PLEKHH2: variants seen among roughly 807,000 people sequenced by gnomAD.
PLEKHH2 encodes pleckstrin homology, MyTH4 and FERM domain containing H2, also known as pleckstrin homology domain-containing family H member 2.
PLEKHH2 carries 129 observed loss-of-function variants against 187.9 expected under a neutral mutation model. That is an observed-to-expected ratio of 0.69 (90% CI 0.59 to 0.79). PLEKHH2 has a LOEUF of 0.79. Ranked by LOEUF, PLEKHH2 falls within the 30% of genes least tolerant of loss-of-function variation. The pLI, the probability that PLEKHH2 is intolerant of heterozygous loss-of-function variation, is 0.00. For missense variants in PLEKHH2, 2,076 were observed against 1,751.2 expected, an observed-to-expected ratio of 1.19 and a Z score of -3.31; for synonymous variants, 686 against 605.6, an observed-to-expected ratio of 1.13 and a Z score of -1.95.
chr2:43,757,826 T>A (rs757828220), intron 26 of PLEKHH2, among the ~76,000 whole-genome samples: 6 of 152,060 alleles, frequency 3.9e-5, no homozygotes, highest in African/African-American at 4.8e-5. Context: ...TTTTCATTCT[T>A]GTCCAGAACA....
intron 2 of PLEKHH2, among the ~76,000 whole-genome samples, chr2:43,657,178 G>C (rs978779468): frequency 2.0e-5 from 3 of 152,196 alleles, no homozygotes; most frequent in African/African-American, 7.2e-5. Flanking sequence ...AAATCAGCTG[G>C]AGGGTGGACT....
chr2:43,648,487 T>A (rs945836774), intron 2 of PLEKHH2, among the ~76,000 whole-genome samples: 6 of 151,472 alleles, frequency 4.0e-5, no homozygotes, highest in African/African-American at 1.5e-4. Flanking sequence ...GTGCCCAGCT[T>A]TTTTTCCTGT....
chr2:43,681,770 G>C, intron 3 of PLEKHH2: 1 of 434,382 alleles, frequency 2.3e-6, no homozygotes, highest in Non-Finnish European at 4.1e-6. Flanking sequence ...AGCCTACTCT[G>C]GACCCTCTCC....
intron 3 of PLEKHH2, among the ~76,000 whole-genome samples, chr2:43,682,418 T>C (rs1471217679): frequency 6.6e-6 from 1 of 152,130 alleles, no homozygotes; most frequent in Non-Finnish European, 1.5e-5. Flanking sequence ...GCGATTCTCC[T>C]GCCTCAGCCT....
Position 43,765,710 on chromosome 2 carries a change from C to A in PLEKHH2, c.*112C>A. On this transcript the variant is annotated 3_prime_UTR_variant, in exon 30 of 30. Coordinates refer to ENST00000282406, the MANE Select transcript of PLEKHH2 (RefSeq NM_172069.4). The stretch of plus-strand genomic sequence containing the variant: ...GGCAGCCACACACCGGTATTCCAAA[C>A]CTTAACAATGAAGGGGGTTAGTCTC... The A allele has an allele frequency of 2.1e-6, 2 of 965,432 alleles. No individual in the cohort carries two copies. Among genetic ancestry groups the A allele is most frequent in the Non-Finnish European group, 3.0e-6 (2 of 676,148 alleles). 59.8% of individuals were successfully genotyped at this position (965,432 alleles called of 1,614,324 possible). A position where few individuals can be genotyped will look rare whatever the true frequency, so the allele number is the denominator to read the frequency against.
intron 2 of PLEKHH2, among the ~76,000 whole-genome samples, chr2:43,651,400 T>A (rs1666466887): frequency 6.6e-6 from 1 of 152,224 alleles, no homozygotes; most frequent in South Asian, 2.1e-4. Flanking sequence ...CTTGGTTATA[T>A]TTCTATCCCT....
chr2:43,671,071 C>A (rs1667475195), intron 2 of PLEKHH2, among the ~76,000 whole-genome samples: 1 of 151,880 alleles, frequency 6.6e-6, no homozygotes, highest in East Asian at 1.9e-4. Context: ...GCAACCTCTG[C>A]CTCCTGGGTT....
chr2:43,751,635 C>T (rs979834222), intron 24 of PLEKHH2, among the ~76,000 whole-genome samples: 5 of 152,202 alleles, frequency 3.3e-5, no homozygotes, highest in Admixed American at 3.3e-4. Flanking sequence ...GGGAATACCC[C>T]CGCGAGCTAA....
rs1459790112 is a variant in PLEKHH2 at position 43,654,713 on chromosome 2, C to T, written c.123+9917C>T. Reference sequence around the variant, plus strand: ...GGCAACATAGTAAGACACCCCCCCCCCCCGCATCTCTACCAAAAAATTAAA... The same window carrying T: ...GGCAACATAGTAAGACACCCCCCCCTCCCGCATCTCTACCAAAAAATTAAA... On this transcript the variant is annotated intron_variant, in intron 2 of 29. Transcript: ENST00000282406. Among the ~76,000 whole-genome samples the T allele has an allele frequency of 3.8e-5, 5 of 131,812 alleles. No individual in the cohort carries two copies. The East Asian group carries it at 6.7e-4, about 18-fold the overall frequency. 86.5% of individuals were successfully genotyped at this position (131,812 alleles called of 152,430 possible).
intron 15 of PLEKHH2, among the ~76,000 whole-genome samples, chr2:43,720,146 T>C (rs545905956): frequency 6.6e-6 from 1 of 152,300 alleles, no homozygotes; most frequent in East Asian, 1.9e-4. Context: ...AATCCACCCC[T>C]CCACTCCCTT....
rs770638686 is a variant in PLEKHH2, at chr2:43,726,462, A to C, written c.2721+11A>C. On this transcript the variant is annotated intron_variant, in intron 17 of 29. Transcript: ENST00000282406. ...TCCAAGCATGAAAAGGTATTCAAAG[A>C]CTTATTGGTTGATTTAGAATGATGT... 6 of 1,583,948 alleles carry C rather than the reference A, an allele frequency of 3.8e-6. No individual in the cohort carries two copies. The highest frequency in any genetic ancestry group is 5.2e-6 in the Non-Finnish European group (6 of 1,153,432).
At position 43,764,308 on chromosome 2, in the gene PLEKHH2, T is replaced by C; in HGVS notation, c.4239T>C (p.Asn1413=). 3.1e-6 allele frequency: 5 copies of C among 1,609,628 alleles called. No homozygotes were observed. Among genetic ancestry groups the C allele is most frequent in the Non-Finnish European group, 3.4e-6 (4 of 1,177,056 alleles). The change falls in exon 29 of 30, where the codon AAT becomes AAC. Residue 1413 remains asparagine, a synonymous_variant. Transcript: ENST00000282406. Reference sequence around the variant, plus strand: ...ATGATTTTATGGTAGTCATTAACAATACACATTCAAAGGACAAACCAACAG... The same window carrying C: ...ATGATTTTATGGTAGTCATTAACAACACACATTCAAAGGACAAACCAACAG... ...YQDDFMVVIN[N]THSKDKPTEK...
chr2:43,639,383 C>T (rs1018468210), intron 1 of PLEKHH2, among the ~76,000 whole-genome samples: 1 of 152,112 alleles, frequency 6.6e-6, no homozygotes, highest in Non-Finnish European at 1.5e-5. Context: ...ATATTTTCAT[C>T]ACCCCAAAAA....
intron 3 of PLEKHH2, among the ~76,000 whole-genome samples, chr2:43,685,909 C>A (rs1193674660): frequency 2.0e-5 from 3 of 152,130 alleles, no homozygotes; most frequent in African/African-American, 4.8e-5. Flanking sequence ...TAGGTGGATA[C>A]CTTAATATAT....
chr2:43,680,919 T>G (rs1668141828), intron 3 of PLEKHH2: 1 of 679,236 alleles, frequency 1.5e-6, no homozygotes. Context: ...TTGAAATTTA[T>G]GTCCAGGGCC....
rs906555436 is a variant in PLEKHH2, at chr2:43,753,614, T to A, written c.3654-5T>A. 2.8e-6 allele frequency: 4 copies of A among 1,446,552 alleles called. No individual in the cohort carries two copies. Among genetic ancestry groups the A allele is most frequent in the African/African-American group, 2.9e-5 (2 of 68,238 alleles). 89.6% of individuals were successfully genotyped at this position (1,446,552 alleles called of 1,614,324 possible). A position where few individuals can be genotyped will look rare whatever the true frequency, so the allele number is the denominator to read the frequency against. ...TAATGAGAAATTTACTCTTTTTTTTTACAGACTATATTTCTCAGTGCAAGC... is the reference window on the plus strand; with the variant it reads ...TAATGAGAAATTTACTCTTTTTTTTAACAGACTATATTTCTCAGTGCAAGC... On this transcript the variant is annotated splice_polypyrimidine_tract_variant and splice_region_variant and intron_variant, in intron 24 of 29. Transcript: ENST00000282406.
At chr2:43,682,929 G>A (rs1157992068) in intron 3 of PLEKHH2, among the ~76,000 whole-genome samples, 1 of 138,144 alleles carries the variant, frequency 7.2e-6, no homozygotes, top group African/African-American at 2.8e-5. Flanking sequence ...GCTGAATAAT[G>A]TTCCATATAT....
chr2:43,675,356 G>C (rs1366635664), intron 2 of PLEKHH2: 2 of 1,534,010 alleles, frequency 1.3e-6, no homozygotes, highest in South Asian at 2.6e-5. Context: ...GACAGCACAG[G>C]TCTATTATTC....
At position 43,699,738 on chromosome 2, in the gene PLEKHH2, A is replaced by G. The variant is rs754713776; in HGVS notation, c.780A>G (p.Glu260=). The G allele has an allele frequency of 4.6e-5, 75 of 1,614,114 alleles. No individual in the cohort carries two copies. Among genetic ancestry groups the G allele is most frequent in the Non-Finnish European group, 6.3e-5 (74 of 1,180,050 alleles). ...TGCATCAAACCCCTTGTGGCTCAGA[A>G]CAGAATCGGAAAACAAGAACAAGCT... ...RTLHQTPCGS[E]QNRKTRTSFA... The change falls in exon 8 of 30, where the codon GAA becomes GAG. Residue 260 remains glutamate, a synonymous_variant. Transcript: ENST00000282406.
Sources: gnomAD v4.1 joint callset for allele counts (sites outside exome capture counted in the v4.1 genomes callset) on GRCh38, gnomAD v4.1.1 for gene constraint, MANE v1.5 for transcripts, NCBI Gene and HGNC (gene_info 2026-07-23, HGNC 2026-07-21) for gene names.